The following GAREM1 variants were observed in gnomAD, a reference collection of about 807,000 sequenced individuals.
GAREM1 encodes the protein GRB2 associated regulator of MAPK1 subtype 1.
A neutral mutation model predicts 71.3 loss-of-function variants in GAREM1; 26 were observed. The ratio of observed to expected loss-of-function variants is 0.36; its 90% CI spans 0.27 to 0.51. GAREM1 has a LOEUF of 0.51. Ranked by LOEUF, GAREM1 falls within the 20% of genes least tolerant of loss-of-function variation. GAREM1 has a pLI of 0.95. For missense variants in GAREM1, 1,026 were observed against 1,103.1 expected (o/e 0.93, Z 0.99); for synonymous variants, 440 against 433.2 (o/e 1.02, Z -0.20).
At chr18:32,364,098 G>T (rs558007966) in intron 2 of GAREM1, among the ~76,000 whole-genome samples, 1 of 135,168 alleles carries the variant, frequency 7.4e-6, no homozygotes, top group African/African-American at 2.8e-5. Context: ...GCAGTGGTGC[G>T]ATCTCAGCTC....
chr18:32,282,761 A>G (rs1266573303), intron 4 of GAREM1, among the ~76,000 whole-genome samples: 2 of 152,198 alleles, frequency 1.3e-5, no homozygotes, highest in Non-Finnish European at 2.9e-5. Context: ...ACGAGAACAG[A>G]CTGGAAGTCA....
At chr18:32,444,788 G>T (rs1225737874) in intron 1 of GAREM1, among the ~76,000 whole-genome samples, 1 of 152,058 alleles carries the variant, frequency 6.6e-6, no homozygotes, top group African/African-American at 2.4e-5. Flanking sequence ...CCTATGGGCT[G>T]GTTCAGCAAA....
At chr18:32,404,169 T>C (rs1204317732) in intron 1 of GAREM1, among the ~76,000 whole-genome samples, 1 of 152,226 alleles carries the variant, frequency 6.6e-6, no homozygotes, top group Non-Finnish European at 1.5e-5. Flanking sequence ...AGTGCCTTTA[T>C]GAATTAAAGC....
At chr18:32,437,124 T>A (rs1256935312) in intron 1 of GAREM1, among the ~76,000 whole-genome samples, 1 of 152,106 alleles carries the variant, frequency 6.6e-6, no homozygotes, top group Non-Finnish European at 1.5e-5. Context: ...AAGTGACAAA[T>A]GGGCAACTAG....
intron 3 of GAREM1, among the ~76,000 whole-genome samples, chr18:32,304,777 G>A (rs2144507572): frequency 6.6e-6 from 1 of 152,286 alleles, no homozygotes; most frequent in South Asian, 2.1e-4. Flanking sequence ...AATGCCTGGG[G>A]CAGGGTTCTG....
At chr18:32,462,229 C>T (rs1430394482) in intron 1 of GAREM1, among the ~76,000 whole-genome samples, 1 of 152,192 alleles carries the variant, frequency 6.6e-6, no homozygotes, top group African/African-American at 2.4e-5. Context: ...TTGAAATTTA[C>T]ACTCTTACAT....
At chr18:32,281,116 C>T (rs555663996) in intron 4 of GAREM1, among the ~76,000 whole-genome samples, 2 of 152,134 alleles carry the variant, frequency 1.3e-5, no homozygotes, top group Non-Finnish European at 2.9e-5. Flanking sequence ...TGTTATTATC[C>T]CCACAGGAAC....
chr18:32,275,125 A>G (rs571158177), intron 4 of GAREM1, among the ~76,000 whole-genome samples: 1 of 152,282 alleles, frequency 6.6e-6, no homozygotes, highest in East Asian at 1.9e-4. Context: ...GCCACATATG[A>G]CCACCACCAA....
chr18:32,273,031 A>G (rs978157998), intron 4 of GAREM1, among the ~76,000 whole-genome samples: 6 of 152,218 alleles, frequency 3.9e-5, no homozygotes, highest in African/African-American at 1.4e-4. Flanking sequence ...TATCTATAGA[A>G]TTTAGGGTGG....
intron 1 of GAREM1, among the ~76,000 whole-genome samples, chr18:32,425,678 A>G (rs542909637): frequency 4.6e-5 from 7 of 152,302 alleles, no homozygotes; most frequent in East Asian, 3.9e-4. Context: ...CTTGTACCCT[A>G]CCTCCTAAGA....
chr18:32,352,577 G>A lies in GAREM1; in HGVS notation c.262+40318C>T, dbSNP rs115833032. ...CGGGAACTTGGGAGGAGGTGGATGAGGGTAATGAATTGAGATAAAGTGGAA... is the reference window on the plus strand; with the variant it reads ...CGGGAACTTGGGAGGAGGTGGATGAAGGTAATGAATTGAGATAAAGTGGAA... On this transcript the variant is annotated intron_variant, in intron 2 of 5. Transcript: ENST00000269209. Among the ~76,000 whole-genome samples the A allele has an allele frequency of 8.6e-3, 1,302 of 152,258 alleles. 22 individuals are homozygous for A. Among genetic ancestry groups the A allele is most frequent in the African/African-American group, 0.03 (1,234 of 41,542 alleles).
intron 1 of GAREM1, among the ~76,000 whole-genome samples, chr18:32,421,891 T>C (rs1005907241): frequency 6.6e-6 from 1 of 152,132 alleles, no homozygotes; most frequent in Non-Finnish European, 1.5e-5. Flanking sequence ...CAGCAGGTGA[T>C]ATAAACAAAC....
intron 3 of GAREM1, among the ~76,000 whole-genome samples, chr18:32,301,846 C>T (rs761859639): frequency 1.6e-4 from 24 of 152,196 alleles, no homozygotes; most frequent in Middle Eastern, 3.4e-3. Context: ...ATATAAGTTG[C>T]AAGATTTTAT....
intron 3 of GAREM1, 75 bp from the exon 4 acceptor site, chr18:32,288,278 A>G: frequency 8.9e-7 from 1 of 1,124,876 alleles, no homozygotes; most frequent in South Asian, 1.6e-5. Context: ...ATTAAGACAC[A>G]CACAAATACA....
At chr18:32,419,355 T>G (rs2048498708) in intron 1 of GAREM1, among the ~76,000 whole-genome samples, 1 of 152,106 alleles carries the variant, frequency 6.6e-6, no homozygotes, top group Non-Finnish European at 1.5e-5. Context: ...AAATCCTGAC[T>G]TCCAGGGTGA....
At position 32,287,361 on chromosome 18, in the gene GAREM1, A is replaced by G. The variant is rs756768177; in HGVS notation, c.1236T>C (p.Asp412=). The G allele has an allele frequency of 1.8e-5, 29 of 1,614,052 alleles. No individual in the cohort carries two copies. The Admixed American group carries it at 4.0e-4, about 22-fold the overall frequency. ...GGATGTCATGAGGAAAGGGAGCCCAATCTCCCCCCAGGTCCCTGCAACCAT... is the reference window on the plus strand; with the variant it reads ...GGATGTCATGAGGAAAGGGAGCCCAGTCTCCCCCCAGGTCCCTGCAACCAT... ...NLHGCRDLGG[D]WAPFPHDILP... Residue 412 remains aspartate (D), a synonymous_variant, in exon 4 of 6, where the codon GAT becomes GAC. Transcript: ENST00000269209. The surrounding 1 kb of genome is among the most constrained non-coding windows in gnomAD (Gnocchi z 5.9).
At chr18:32,380,524 T>C in intron 2 of GAREM1, among the ~76,000 whole-genome samples, 1 of 149,588 alleles carries the variant, frequency 6.7e-6, no homozygotes, top group Non-Finnish European at 1.5e-5. Context: ...TGGTAGCCTC[T>C]GTCTGTCCAA....
intron 2 of GAREM1, among the ~76,000 whole-genome samples, chr18:32,373,286 A>C (rs2048002814): frequency 6.6e-6 from 1 of 152,198 alleles, no homozygotes; most frequent in Admixed American, 6.6e-5. Context: ...TTTTAATAAA[A>C]GGAAATAATA....
intron 1 of GAREM1, among the ~76,000 whole-genome samples, chr18:32,426,252 C>T (rs2048574280): frequency 6.6e-6 from 1 of 152,140 alleles, no homozygotes; most frequent in Non-Finnish European, 1.5e-5. Flanking sequence ...GTCTCCTGAC[C>T]TCGTGATCCA....
Sources: allele counts gnomAD v4.1 joint callset (sites outside exome capture counted in the v4.1 genomes callset), GRCh38; gene constraint gnomAD v4.1.1; non-coding constraint Gnocchi (gnomAD v3.1); transcripts MANE v1.5; gene names NCBI Gene and HGNC (gene_info 2026-07-23, HGNC 2026-07-21).